EDEM2: variants seen among roughly 807,000 people sequenced by gnomAD.
EDEM2 encodes ER degradation enhancing alpha-mannosidase like protein 2, also known as ER degradation-enhancing alpha-mannosidase-like protein 2.
A neutral mutation model predicts 64.8 loss-of-function variants in EDEM2; 39 were observed. The observed-to-expected ratio is 0.60, with a 90% confidence interval of 0.47 to 0.79. The LOEUF (loss-of-function observed/expected upper bound fraction) is 0.79, where lower values mean the gene tolerates loss of function less well. Among genes scored for constraint, EDEM2 ranks in the 30% least tolerant of loss-of-function variants. EDEM2 has a pLI of 0.00. For synonymous variants in EDEM2, 296 were observed against 291.5 expected (o/e 1.02, Z -0.16); for missense variants, 609 against 731.3 (o/e 0.83, Z 1.93).
chr20:35,118,542 C>A (rs1448498240), intron 10 of EDEM2, 56 bp downstream of exon 10: 1 of 1,610,908 alleles, frequency 6.2e-7, no homozygotes, highest in Admixed American at 1.7e-5. Flanking sequence ...CTTAAAGAGG[C>A]TTTTTAGCAG....
chr20:35,139,335 G>C (rs555537178), intron 4 of EDEM2, among the ~76,000 whole-genome samples: 1 of 143,576 alleles, frequency 7.0e-6, no homozygotes, highest in East Asian at 2.0e-4. Flanking sequence ...GGGTGACAGA[G>C]TGAGACTCCG....
chr20:35,132,666 A>G (rs1220963844), intron 6 of EDEM2, among the ~76,000 whole-genome samples: 2 of 152,004 alleles, frequency 1.3e-5, no homozygotes, highest in African/African-American at 4.8e-5. Context: ...AAAAATAAAC[A>G]AAGATACGTA....
chr20:35,140,781 A>G (rs539130321), intron 4 of EDEM2, among the ~76,000 whole-genome samples: 17 of 152,272 alleles, frequency 1.1e-4, no homozygotes, highest in African/African-American at 3.8e-4. Context: ...GGGGAAAACA[A>G]TCTAAAGAAG....
chr20:35,141,751 G>A (rs745685703), intron 4 of EDEM2, among the ~76,000 whole-genome samples: 3 of 152,130 alleles, frequency 2.0e-5, no homozygotes, highest in Non-Finnish European at 4.4e-5. Context: ...AATTCATTAG[G>A]TTTAGGGTGG....
chr20:35,134,195 G>T, intron 6 of EDEM2: 2 of 452,594 alleles, frequency 4.4e-6, no homozygotes, highest in South Asian at 1.6e-5. Context: ...AATAAGTTTG[G>T]GAAATGTTAA....
intron 9 of EDEM2, among the ~76,000 whole-genome samples, chr20:35,123,650 C>G (rs2085395289): frequency 1.3e-5 from 2 of 152,110 alleles, no homozygotes; most frequent in South Asian, 4.1e-4. Context: ...GGTTCCAGGC[C>G]TAGCTCCTGC....
At chr20:35,129,999 C>T (rs183520385) in intron 7 of EDEM2, among the ~76,000 whole-genome samples, 3 of 152,302 alleles carry the variant, frequency 2.0e-5, no homozygotes, top group Admixed American at 2.0e-4. Flanking sequence ...ATATCCCTGT[C>T]ATTAAGCAAT....
At chr20:35,147,111 C>G (rs370574682) in intron 1 of EDEM2, 41 bp downstream of exon 1, 1 of 1,586,602 alleles carries the variant, frequency 6.3e-7, no homozygotes, top group Admixed American at 1.7e-5. Context: ...CGGGTTCACG[C>G]TTCCCATTCC....
intron 2 of EDEM2, among the ~76,000 whole-genome samples, chr20:35,145,868 G>T (rs1335562033): frequency 6.6e-6 from 1 of 152,058 alleles, no homozygotes; most frequent in Non-Finnish European, 1.5e-5. Flanking sequence ...CGGGTGTGGT[G>T]GTGGGCTCCT....
Position 35,121,369 on chromosome 20 carries a change from T to C in EDEM2, c.1114+2521A>G, listed in dbSNP as rs542702738. Among the ~76,000 whole-genome samples, 3 of 152,272 alleles carry C rather than the reference T, an allele frequency of 2.0e-5. No homozygotes were observed. In the East Asian group the frequency reaches 5.8e-4, roughly 29 times the overall value. On this transcript the variant is annotated intron_variant, in intron 9 of 10. Coordinates refer to ENST00000374492, the MANE Select transcript of EDEM2 (RefSeq NM_018217.3). ...GTTCACAATAGGGTTTGTGCTCCTA[T>C]GAACGTCTAATGCCACCACGGATAA...
At chr20:35,124,645 A>G (rs1377003427) in intron 8 of EDEM2, among the ~76,000 whole-genome samples, 1 of 152,038 alleles carries the variant, frequency 6.6e-6, no homozygotes, top group African/African-American at 2.4e-5. Flanking sequence ...TGGGATTACA[A>G]CCATCACCCA....
chr20:35,141,200 TTACAG>T (rs1219596904), intron 4 of EDEM2, among the ~76,000 whole-genome samples: 2 of 149,852 alleles, frequency 1.3e-5, no homozygotes, highest in Non-Finnish European at 3.0e-5. Flanking sequence ...ATATCAGTAA[TTACAG>T]TAAATGTAAA....
In EDEM2 at chr20:35,147,271, C is replaced by G. The variant is rs778225025; in HGVS notation, c.-13G>C. On this transcript the variant is annotated 5_prime_UTR_variant, in exon 1 of 11. Coordinates refer to ENST00000374492, the MANE Select transcript of EDEM2 (RefSeq NM_018217.3). ...GCCGGAAAGGCATAGAGCTCGTGTCCTCTCAGCGCCCCCGCAGCAGCAGCA... is the reference window on the plus strand; with the variant it reads ...GCCGGAAAGGCATAGAGCTCGTGTCGTCTCAGCGCCCCCGCAGCAGCAGCA... 5.3e-6 allele frequency: 8 copies of G among 1,515,882 alleles called. No individual in the cohort carries two copies. The South Asian group carries it at 1.0e-4, about 19-fold the overall frequency. The allele number at this position is 1,515,882 out of a possible 1,614,324, so 93.9% of individuals were successfully genotyped here. A position where few individuals can be genotyped will look rare whatever the true frequency, so the allele number is the denominator to read the frequency against.
intron 9 of EDEM2, among the ~76,000 whole-genome samples, chr20:35,120,740 G>C (rs915666540): frequency 6.6e-6 from 1 of 151,976 alleles, no homozygotes; most frequent in Middle Eastern, 3.2e-3. Flanking sequence ...TGGGACTACA[G>C]GCACATGCCA....
rs6060248 is a variant in EDEM2, at chr20:35,115,641, C to T, written c.1529G>A (p.Arg510Gln). The T allele has an allele frequency of 2.7e-3, 4,421 of 1,614,100 alleles. 126 individuals are homozygous for T. The African/African-American group carries it at 0.051, about 19-fold the overall frequency. The change falls in exon 11 of 11, where the codon CGG becomes CAG. Residue 510 changes from arginine to glutamine, a missense_variant. Coordinates refer to ENST00000374492, the MANE Select transcript of EDEM2 (RefSeq NM_018217.3). ...GTTTTTCTGAAATTTCGACCTGCTC[C>T]GTTTGAGAGAGTAGAATTCCCTCAT... ...DLMREFYSLK[R>Q]SRSKFQKNTV...
At chr20:35,142,626 ACT>A in intron 3 of EDEM2, 148 bp from the exon 4 acceptor site, 2 of 624,672 alleles carry the variant, frequency 3.2e-6, no homozygotes, top group Non-Finnish European at 5.6e-6. Flanking sequence ...AGAAGAAAAC[ACT>A]GAGAGCTAGA....
At position 35,146,812 on chromosome 20, in the gene EDEM2, C is replaced by A. The variant is rs779962474; in HGVS notation, c.218+13G>T. Reference sequence around the variant, plus strand: ...CAGACCCTGGCCGCCCCTTGCCCCTCCGCTCGCACTACCTGCCCCAGGTGT... The same window carrying A: ...CAGACCCTGGCCGCCCCTTGCCCCTACGCTCGCACTACCTGCCCCAGGTGT... On this transcript the variant is annotated intron_variant, in intron 2 of 10. Transcript: ENST00000374492. 1.1e-5 allele frequency: 18 copies of A among 1,612,932 alleles called. No individual in the cohort carries two copies. In the South Asian group the frequency reaches 1.8e-4, roughly 16 times the overall value.
In EDEM2 at chr20:35,146,829, C is replaced by A; in HGVS notation, c.214G>T (p.Gly72Cys). Residue 72 changes from glycine (G) to cysteine (C), a missense_variant, in exon 2 of 11, where the codon GGC (glycine) becomes TGC (cysteine). Coordinates refer to ENST00000374492, the MANE Select transcript of EDEM2 (RefSeq NM_018217.3). ...PLTCDGHDTW[G>C]SFSLTLIDAL... ...TTGCCCCTCCGCTCGCACTACCTGCCCCAGGTGTCGTGCCCGTCACAGGTG... is the reference window on the plus strand; with the variant it reads ...TTGCCCCTCCGCTCGCACTACCTGCACCAGGTGTCGTGCCCGTCACAGGTG... The A allele has an allele frequency of 6.2e-7, 1 of 1,613,920 alleles. No individual in the cohort carries two copies. Among genetic ancestry groups the A allele is most frequent in the East Asian group, 2.2e-5 (1 of 44,870 alleles).
chr20:35,132,294 A>G (rs1017738036), intron 6 of EDEM2, among the ~76,000 whole-genome samples: 1 of 151,484 alleles, frequency 6.6e-6, no homozygotes, highest in African/African-American at 2.4e-5. Context: ...GTCACTGAGT[A>G]CCCTTTTTTG....
Sources: allele counts gnomAD v4.1 joint callset (sites outside exome capture counted in the v4.1 genomes callset), GRCh38; gene constraint gnomAD v4.1.1; transcripts MANE v1.5; gene names NCBI Gene and HGNC (gene_info 2026-07-23, HGNC 2026-07-21).